The following ABLIM1 variants were observed in gnomAD, a reference collection of about 807,000 sequenced individuals.
The protein encoded by ABLIM1 is actin-binding LIM protein 1.
ABLIM1 carries 40 observed loss-of-function variants against 107.0 expected under a neutral mutation model. That is an observed-to-expected ratio of 0.37 (90% CI 0.29 to 0.49). The LOEUF is 0.49. ABLIM1 is among the 20% of genes least tolerant of loss of function. ABLIM1 has a pLI of 0.97. For missense variants in ABLIM1, 857 were observed against 1,008.5 expected, an observed-to-expected ratio of 0.85 and a Z score of 2.04; for synonymous variants, 357 against 357.3, an observed-to-expected ratio of 1.00 and a Z score of 0.01.
intron 19 of ABLIM1, chr10:114,440,811 T>TC (rs1279352832): frequency 1.5e-6 from 1 of 679,884 alleles, no homozygotes; most frequent in Admixed American, 2.0e-5. Context: ...ATGAATAAAT[T>TC]CTCACAAACT....
chr10:114,526,744 G>T, intron 6 of ABLIM1: 2 of 985,472 alleles, frequency 2.0e-6, no homozygotes, highest in Non-Finnish European at 1.2e-6. Flanking sequence ...TTCAGAACAC[G>T]GCCAAGAGGC....
intron 6 of ABLIM1, among the ~76,000 whole-genome samples, chr10:114,514,244 G>A (rs1458568628): frequency 1.3e-5 from 2 of 150,900 alleles, no homozygotes; most frequent in Non-Finnish European, 2.9e-5. Context: ...AGATTGCGGT[G>A]AGCCAAGATC....
chr10:114,642,739 G>A (rs1460700194), intron 1 of ABLIM1, among the ~76,000 whole-genome samples: 2 of 152,122 alleles, frequency 1.3e-5, no homozygotes, highest in African/African-American at 4.8e-5. Context: ...CTGACTCCAA[G>A]TCCTAGACTA....
intron 8 of ABLIM1, among the ~76,000 whole-genome samples, chr10:114,484,461 C>T (rs1252570102): frequency 2.6e-5 from 4 of 152,148 alleles, no homozygotes; most frequent in African/African-American, 9.7e-5. Context: ...TGGCTCACTG[C>T]AACCTCTGTC....
chr10:114,527,077 G>A, intron 6 of ABLIM1: 1 of 634,972 alleles, frequency 1.6e-6, no homozygotes, highest in Non-Finnish European at 2.0e-6. Flanking sequence ...GTCTGCATGT[G>A]AAACCGACAG....
chr10:114,787,516 G>A, the ABLIM1 span, among the ~76,000 whole-genome samples: 5 of 145,682 alleles, frequency 3.4e-5, no homozygotes, highest in Non-Finnish European at 7.6e-5. Flanking sequence ...CAGCCGCCCT[G>A]TCCGGGAGGG....
At chr10:114,590,828 TG>T (rs1419079239) in intron 2 of ABLIM1, among the ~76,000 whole-genome samples, 1 of 152,158 alleles carries the variant, frequency 6.6e-6, no homozygotes, top group Non-Finnish European at 1.5e-5. Flanking sequence ...CAAACCCTTC[TG>T]CATGGGTTTA....
chr10:114,800,046 G>A, the ABLIM1 span, among the ~76,000 whole-genome samples: 1 of 152,194 alleles, frequency 6.6e-6, no homozygotes. Context: ...AAAGTGCTGA[G>A]ATTACAGGTG....
chr10:114,474,620 T>C (rs367609837), intron 8 of ABLIM1, among the ~76,000 whole-genome samples: 11 of 152,270 alleles, frequency 7.2e-5, no homozygotes, highest in African/African-American at 2.4e-4. Context: ...GACCTCGTGA[T>C]CTGCCCGCCT....
intron 4 of ABLIM1, among the ~76,000 whole-genome samples, chr10:114,552,492 A>G (rs2068187702): frequency 1.3e-5 from 1 of 75,026 alleles, no homozygotes; most frequent in Admixed American, 1.4e-4. Context: ...CCTAACATGG[A>G]AAAAAAAAAA....
At chr10:114,765,904 T>C (rs564477161) in intron 1 of ABLIM1, among the ~76,000 whole-genome samples, 3 of 152,212 alleles carry the variant, frequency 2.0e-5, no homozygotes, top group Admixed American at 1.3e-4. Flanking sequence ...CTAAATGTAT[T>C]GGAAATTCCA....
intron 1 of ABLIM1, among the ~76,000 whole-genome samples, chr10:114,664,673 G>A (rs1177466387): frequency 6.6e-6 from 1 of 151,138 alleles, no homozygotes; most frequent in East Asian, 2.0e-4. Flanking sequence ...CCTCCCAAGT[G>A]GCTGAGATTA....
At chr10:114,536,541 C>T (rs931869186) in intron 6 of ABLIM1, among the ~76,000 whole-genome samples, 1 of 152,148 alleles carries the variant, frequency 6.6e-6, no homozygotes, top group South Asian at 2.1e-4. Flanking sequence ...AGCCACCGCA[C>T]CTGGCCCTGA....
chr10:114,598,362 G>A (rs138182968), intron 2 of ABLIM1, among the ~76,000 whole-genome samples: 8,328 of 151,326 alleles, frequency 0.055, 788 homozygotes, highest in African/African-American at 0.19. Context: ...CAAGGCAGGC[G>A]GATCACAAGT....
At chr10:114,552,690 C>T (rs1352445298) in intron 4 of ABLIM1, among the ~76,000 whole-genome samples, 3 of 152,074 alleles carry the variant, frequency 2.0e-5, no homozygotes, top group Non-Finnish European at 4.4e-5. Context: ...AGGGATATTG[C>T]CTGTCACTCT....
intron 7 of ABLIM1, 40 bp downstream of exon 7, chr10:114,491,751 C>A (rs780987876): frequency 3.3e-6 from 5 of 1,527,384 alleles, no homozygotes; most frequent in Non-Finnish European, 4.5e-6. Context: ...TTCCTTTCCC[C>A]CAGCAAGGAA....
intron 1 of ABLIM1, among the ~76,000 whole-genome samples, chr10:114,748,751 G>C (rs995907997): frequency 6.6e-6 from 1 of 150,886 alleles, no homozygotes; most frequent in African/African-American, 2.4e-5. Context: ...CAAACTCCTA[G>C]GCTCTAGCAA....
chr10:114,737,381 T>C (rs1337565714), intron 1 of ABLIM1, among the ~76,000 whole-genome samples: 1 of 152,162 alleles, frequency 6.6e-6, no homozygotes, highest in Non-Finnish European at 1.5e-5. Flanking sequence ...TCTGGCCTGC[T>C]GAACTCAAGG....
At chr10:114,468,314 G>C (rs1018853035) in intron 10 of ABLIM1, 98 bp from the exon 11 acceptor site, 3 of 1,206,194 alleles carry the variant, frequency 2.5e-6, no homozygotes, top group Non-Finnish European at 3.7e-6. Context: ...TCGCTCTGTC[G>C]CCCAGGCTGG....
Sources: allele counts gnomAD v4.1 joint callset (sites outside exome capture counted in the v4.1 genomes callset), GRCh38; gene constraint gnomAD v4.1.1; transcripts MANE v1.5; gene names NCBI Gene and HGNC (gene_info 2026-07-23, HGNC 2026-07-21).